The following CAMTA1 variants were observed in gnomAD, a reference collection of about 807,000 sequenced individuals.
CAMTA1 encodes calmodulin-binding transcription activator 1.
A neutral mutation model predicts 170.9 loss-of-function variants in CAMTA1; 27 were observed. That is an observed-to-expected ratio of 0.16 (90% CI 0.12 to 0.22). The LOEUF (loss-of-function observed/expected upper bound fraction) is 0.22. Among genes scored for constraint, CAMTA1 ranks in the 10% least tolerant of loss-of-function variants. CAMTA1 has a pLI of 1.00. For synonymous variants in CAMTA1, 833 were observed against 891.5 expected, an observed-to-expected ratio of 0.93 and a Z score of 1.17; for missense variants, 1,619 against 2,217.2, an observed-to-expected ratio of 0.73 and a Z score of 5.42.
chr1:7,357,151 GGGCCCTGC>G (rs911298313), intron 5 of CAMTA1, among the ~76,000 whole-genome samples: 2 of 152,344 alleles, frequency 1.3e-5, no homozygotes, highest in Non-Finnish European at 1.5e-5. Context: ...ATGAAACCAA[GGGCCCTGC>G]GATGTCATCC....
At chr1:6,905,257 A>C (rs1678171821) in intron 3 of CAMTA1, among the ~76,000 whole-genome samples, 2 of 139,040 alleles carry the variant, frequency 1.4e-5, no homozygotes, top group African/African-American at 5.5e-5. Context: ...GCAGTGGTGC[A>C]ATCTTGGCTC....
intron 3 of CAMTA1, among the ~76,000 whole-genome samples, chr1:7,011,717 C>T (rs1699836723): frequency 6.6e-6 from 1 of 152,164 alleles, no homozygotes; most frequent in Non-Finnish European, 1.5e-5. Flanking sequence ...TGGTCCACGT[C>T]CCCCACTACA....
At chr1:7,506,940 C>T (rs2094124674) in intron 6 of CAMTA1, among the ~76,000 whole-genome samples, 1 of 152,046 alleles carries the variant, frequency 6.6e-6, no homozygotes, top group African/African-American at 2.4e-5. Flanking sequence ...TATGTACTCA[C>T]AATCAAAATT....
intron 4 of CAMTA1, among the ~76,000 whole-genome samples, chr1:7,223,015 A>G (rs1661075461): frequency 6.6e-6 from 1 of 152,080 alleles, no homozygotes; most frequent in Non-Finnish European, 1.5e-5. Flanking sequence ...AAGATCTCAA[A>G]CCTTTTTTTC....
intron 6 of CAMTA1, among the ~76,000 whole-genome samples, chr1:7,545,763 G>C (rs559464453): frequency 2.6e-5 from 4 of 152,156 alleles, no homozygotes; most frequent in African/African-American, 9.6e-5. Flanking sequence ...TGCCATGGTG[G>C]CTTGCTACAC....
chr1:7,575,836 G>A (rs764812891), intron 6 of CAMTA1, among the ~76,000 whole-genome samples: 10 of 152,254 alleles, frequency 6.6e-5, no homozygotes, highest in Middle Eastern at 3.4e-3. Flanking sequence ...AAATCCACTC[G>A]GAGAAGGAAT....
intron 11 of CAMTA1, among the ~76,000 whole-genome samples, chr1:7,687,130 G>A (rs1228740099): frequency 1.3e-5 from 2 of 151,828 alleles, no homozygotes; most frequent in African/African-American, 4.8e-5. Context: ...CCCTAGGTCT[G>A]AGCACGAAGA....
In CAMTA1 at chr1:7,664,656, C is replaced by A; in HGVS notation, c.2109C>A (p.Val703=). 6.2e-7 allele frequency: 1 copy of A among 1,605,746 alleles called. No homozygotes were observed. The highest frequency in any genetic ancestry group is 1.1e-5 in the South Asian group (1 of 90,882). ...ETSQAAEGSE[V]LLKSGELQAC... ...CGCAGGCGGCGGAAGGGAGCGAGGT[C>A]CTGCTCAAGTCTGGGGAGCTGCAGG... Residue 703 remains valine (V), a synonymous_variant, in exon 9 of 23, where the codon GTC becomes GTA. Coordinates refer to ENST00000303635, the MANE Select transcript of CAMTA1 (RefSeq NM_015215.4).
chr1:7,351,564 C>T (rs1187796877), intron 5 of CAMTA1, among the ~76,000 whole-genome samples: 6 of 152,206 alleles, frequency 3.9e-5, no homozygotes, highest in South Asian at 2.1e-4. Flanking sequence ...CACAGGTCTT[C>T]GGCCAAGGCT....
intron 7 of CAMTA1, among the ~76,000 whole-genome samples, chr1:7,655,305 C>G (rs1055551178): frequency 6.9e-6 from 1 of 145,246 alleles, no homozygotes; most frequent in Admixed American, 6.9e-5. Flanking sequence ...CCTATACACA[C>G]ACACCGTTAT....
chr1:7,755,151 C>A (rs2096922492), intron 21 of CAMTA1, among the ~76,000 whole-genome samples: 2 of 151,892 alleles, frequency 1.3e-5, no homozygotes, highest in African/African-American at 4.8e-5. Context: ...CATGGTGAAA[C>A]CCTGTCTCTA....
intron 11 of CAMTA1, among the ~76,000 whole-genome samples, chr1:7,705,514 G>A (rs1351871347): frequency 1.1e-4 from 16 of 150,130 alleles, no homozygotes; most frequent in African/African-American, 3.9e-4. Context: ...CGTGTCGGGC[G>A]CGCGCGGGCG....
intron 5 of CAMTA1, among the ~76,000 whole-genome samples, chr1:7,361,157 C>A (rs2085509874): frequency 6.6e-6 from 1 of 152,204 alleles, no homozygotes; most frequent in African/African-American, 2.4e-5. Flanking sequence ...GCGCCATATT[C>A]ATTTGGAATC....
chr1:6,955,673 C>T (rs954986143), intron 3 of CAMTA1, among the ~76,000 whole-genome samples: 1 of 152,128 alleles, frequency 6.6e-6, no homozygotes, highest in Non-Finnish European at 1.5e-5. Flanking sequence ...TTGCTGTGCC[C>T]GGTCCCTAGC....
rs746368863 is a variant in CAMTA1 at position 7,628,767 on chromosome 1, CA to C, written c.511-11632del. On this transcript the variant is annotated intron_variant, in intron 6 of 22. Transcript: ENST00000303635. ...ACGTGCTTGGAGAGGATGGAAGAGA[CA>C]GGGGAGGGCAGCAGGCCTGGCTTCC... Among the ~76,000 whole-genome samples, 205 of 152,380 alleles carry C rather than the reference CA, an allele frequency of 1.3e-3. 2 individuals are homozygous for C. Among genetic ancestry groups the C allele is most frequent in the Non-Finnish European group, 1.6e-3 (111 of 68,032 alleles).
Position 7,592,616 on chromosome 1 carries a change from G to A in CAMTA1, c.511-47784G>A, listed in dbSNP as rs539321946. 7.2e-5 allele frequency among the ~76,000 whole-genome samples: 11 copies of A among 152,292 alleles called. No individual in the cohort carries two copies. The highest frequency in any genetic ancestry group is 3.4e-3 in the Middle Eastern group (1 of 294). ...TGTCCTGCAAGCCACCTACCAGTGC[G>A]GAATGAGTGGGGAGTGTCCAGGCGT... On this transcript the variant is annotated intron_variant, in intron 6 of 22. Transcript: ENST00000303635. The surrounding 1 kb of genome is among the most constrained non-coding windows in gnomAD (Gnocchi z 4.6).
intron 5 of CAMTA1, among the ~76,000 whole-genome samples, chr1:7,399,954 C>T (rs1397185681): frequency 6.6e-6 from 1 of 152,132 alleles, no homozygotes; most frequent in Non-Finnish European, 1.5e-5. Flanking sequence ...TTGGAGAGGA[C>T]CTCTTTGGGT....
chr1:7,075,923 A>G (rs1352590876), intron 3 of CAMTA1, among the ~76,000 whole-genome samples: 1 of 151,820 alleles, frequency 6.6e-6, no homozygotes, highest in Non-Finnish European at 1.5e-5. Context: ...TCGGCCTCCC[A>G]AAGTGCTGGG....
intron 4 of CAMTA1, among the ~76,000 whole-genome samples, chr1:7,155,345 G>T (rs945368139): frequency 1.4e-5 from 2 of 144,360 alleles, no homozygotes; most frequent in Non-Finnish European, 3.1e-5. Flanking sequence ...GAGGGAGCCT[G>T]TGGGAGGGAG....
Sources: allele counts gnomAD v4.1 joint callset (sites outside exome capture counted in the v4.1 genomes callset), GRCh38; gene constraint gnomAD v4.1.1; non-coding constraint Gnocchi (gnomAD v3.1); transcripts MANE v1.5; gene names NCBI Gene and HGNC (gene_info 2026-07-23, HGNC 2026-07-21).